Variants in WDR82 observed in about 807,000 individuals in gnomAD.
WDR82 encodes the protein WD repeat-containing protein 82.
WDR82 carries 8 observed loss-of-function variants against 36.1 expected under a neutral mutation model. That is an observed-to-expected ratio of 0.22 (90% CI 0.13 to 0.40). WDR82 has a LOEUF of 0.40. Among genes scored for constraint, WDR82 ranks in the 10% least tolerant of loss-of-function variants. The pLI is 1.00. For synonymous variants in WDR82, 129 were observed against 137.8 expected (o/e 0.94, Z 0.45); for missense variants, 185 against 400.5 (o/e 0.46, Z 4.59).
At chr3:52,260,698 A>C (rs184252942) in intron 4 of WDR82, among the ~76,000 whole-genome samples, 197 bp from the exon 5 acceptor site, 172 of 152,372 alleles carry the variant, frequency 1.1e-3, no homozygotes, top group Non-Finnish European at 2.1e-3. Context: ...CACAAAAAAA[A>C]CATAAAACTA....
intron 1 of WDR82, among the ~76,000 whole-genome samples, chr3:52,272,692 T>A (rs1397040323): frequency 6.6e-6 from 1 of 152,222 alleles, no homozygotes; most frequent in Non-Finnish European, 1.5e-5. Flanking sequence ...TTAGAAAGAT[T>A]TCATAAATCC....
At chr3:52,277,092 T>TAATA (rs1553619930) in intron 1 of WDR82, among the ~76,000 whole-genome samples, 1 of 146,626 alleles carries the variant, frequency 6.8e-6, no homozygotes, top group Admixed American at 6.8e-5. Flanking sequence ...ATAATAATAA[T>TAATA]AATAATAATA....
At chr3:52,261,760 A>G (rs575899280) in intron 3 of WDR82, among the ~76,000 whole-genome samples, 4 of 152,340 alleles carry the variant, frequency 2.6e-5, no homozygotes, top group African/African-American at 9.6e-5. Flanking sequence ...CATAGCTATA[A>G]TAAGAGAGAT....
At chr3:52,257,632 C>A in intron 8 of WDR82, 113 bp from the exon 9 acceptor site, 1 of 1,298,942 alleles carries the variant, frequency 7.7e-7, no homozygotes, top group Non-Finnish European at 1.1e-6. Flanking sequence ...GCTCTGGTAG[C>A]CCTCTCTCCT....
chr3:52,265,098 G>A (rs1300622186), intron 3 of WDR82, among the ~76,000 whole-genome samples: 1 of 151,658 alleles, frequency 6.6e-6, no homozygotes, highest in Non-Finnish European at 1.5e-5. Context: ...GGCGGATCAG[G>A]GACCATCCTG....
rs1700006436 is a variant in WDR82, at chr3:52,256,273, G to A, written c.*1217C>T. The A allele has an allele frequency of 1.3e-5, 2 of 153,790 alleles. No individual in the cohort carries two copies. Among genetic ancestry groups the A allele is most frequent in the Admixed American group, 6.5e-5 (1 of 15,292 alleles). The allele number at this position is 153,790 out of a possible 1,614,324, so 9.5% of individuals were successfully genotyped here. On this transcript the variant is annotated 3_prime_UTR_variant, in exon 9 of 9. Coordinates refer to ENST00000296490, the MANE Select transcript of WDR82 (RefSeq NM_025222.4). ...TGTGGCAAACACTATTAGCAGGGAT[G>A]CAGGGTGTCTCCTGGGCTGCAGGAC...
chr3:52,275,986 C>T (rs1252421447), intron 1 of WDR82, among the ~76,000 whole-genome samples: 1 of 152,180 alleles, frequency 6.6e-6, no homozygotes, highest in Non-Finnish European at 1.5e-5. Flanking sequence ...AAATATTTAC[C>T]TACAGTCATG....
chr3:52,260,024 C>G, intron 5 of WDR82, 152 bp from the exon 6 acceptor site: 1 of 1,109,566 alleles, frequency 9.0e-7, no homozygotes, highest in Non-Finnish European at 1.2e-6. Context: ...CCACATTTTT[C>G]CTTTTGTAGA....
At chr3:52,278,072 G>A (rs1700223850) in intron 1 of WDR82, 129 bp downstream of exon 1, 3 of 952,078 alleles carry the variant, frequency 3.2e-6, no homozygotes, top group Non-Finnish European at 4.3e-6. Context: ...GGGTGGAGGC[G>A]GCCCTGGCAG....
intron 1 of WDR82, 77 bp downstream of exon 1, chr3:52,278,124 G>A (rs1578013970): frequency 5.1e-6 from 7 of 1,386,024 alleles, no homozygotes; most frequent in Middle Eastern, 3.9e-4. Flanking sequence ...TCGGGACGGA[G>A]GGCAGGCCGA....
chr3:52,274,271 A>C (rs981390859), intron 1 of WDR82, among the ~76,000 whole-genome samples: 1 of 152,252 alleles, frequency 6.6e-6, no homozygotes, highest in Non-Finnish European at 1.5e-5. Context: ...CATCTAATAA[A>C]GATACTATGC....
Position 52,258,557 on chromosome 3 carries a change from A to G in WDR82, c.891T>C (p.Phe297=), listed in dbSNP as rs763392405. 21 of 1,613,870 alleles carry G rather than the reference A, an allele frequency of 1.3e-5. No individual in the cohort carries two copies. The highest frequency in any genetic ancestry group is 1.8e-5 in the Non-Finnish European group (21 of 1,179,934). ...CLQFNPKFMT[F]ASACSNMAFW... ...ATACCATGTTGGAACACGCACTGGC[A>G]AAAGTCATGAACTTGGGGTTGAATT... Residue 297 remains phenylalanine, a synonymous_variant, in exon 8 of 9, where the codon TTT becomes TTC. Coordinates refer to ENST00000296490, the MANE Select transcript of WDR82 (RefSeq NM_025222.4).
rs1700008443 is a variant in WDR82 at position 52,256,325 on chromosome 3, A to G, written c.*1165T>C. The G allele has an allele frequency of 6.5e-6, 1 of 153,832 alleles. No homozygotes were observed. Among genetic ancestry groups the G allele is most frequent in the Admixed American group, 6.5e-5 (1 of 15,292 alleles). The allele number at this position is 153,832 out of a possible 1,614,324, so 9.5% of individuals were successfully genotyped here. Reference sequence around the variant, plus strand: ...CCATCTGCTTCAGCTGAACTCTTGGAAACTACAGATGAGAGATATATGCAT... The same window carrying G: ...CCATCTGCTTCAGCTGAACTCTTGGGAACTACAGATGAGAGATATATGCAT... On this transcript the variant is annotated 3_prime_UTR_variant, in exon 9 of 9. Coordinates refer to ENST00000296490, the MANE Select transcript of WDR82 (RefSeq NM_025222.4).
intron 3 of WDR82, among the ~76,000 whole-genome samples, chr3:52,265,299 C>CAAAA (rs869189597): frequency 4.6e-5 from 2 of 43,782 alleles, no homozygotes; most frequent in Admixed American, 8.2e-4. Context: ...GACTCTGTCT[C>CAAAA]AAAAAAAAAA....
At chr3:52,276,755 T>C (rs900589241) in intron 1 of WDR82, among the ~76,000 whole-genome samples, 5 of 152,202 alleles carry the variant, frequency 3.3e-5, no homozygotes, top group Admixed American at 6.6e-5. Flanking sequence ...GAAATCCATC[T>C]ACTCAATGAG....
At chr3:52,273,018 C>T (rs1207159052) in intron 1 of WDR82, among the ~76,000 whole-genome samples, 1 of 152,228 alleles carries the variant, frequency 6.6e-6, no homozygotes, top group Non-Finnish European at 1.5e-5. Context: ...TGTGGGGTTA[C>T]TGTGTGGTAA....
At chr3:52,262,912 G>A (rs559588917) in intron 3 of WDR82, among the ~76,000 whole-genome samples, 3 of 152,174 alleles carry the variant, frequency 2.0e-5, no homozygotes, top group Non-Finnish European at 4.4e-5. Context: ...GCGATCACCT[G>A]AGGTCAGGAG....
chr3:52,278,587 G>C lies in WDR82; in HGVS notation c.-226C>G, dbSNP rs1700229438. On this transcript the variant is annotated 5_prime_UTR_variant, in exon 1 of 9. Transcript: ENST00000296490. ...CCGTTCGTCCTCACAGCCACCTCAC[G>C]GACAACCGGCGCGTCGCCGGCTCAT... is the stretch of plus-strand genomic sequence containing the variant. The C allele has an allele frequency of 2.4e-6, 1 of 409,224 alleles. No individual in the cohort carries two copies. 25.3% of individuals were successfully genotyped at this position (409,224 alleles called of 1,614,324 possible).
chr3:52,262,747 C>T (rs1700072335), intron 3 of WDR82, among the ~76,000 whole-genome samples: 4 of 152,228 alleles, frequency 2.6e-5, no homozygotes, highest in Admixed American at 2.6e-4. Context: ...TGTAACTCAA[C>T]TAACATCTGC....
Sources: gnomAD v4.1 joint callset for allele counts (sites outside exome capture counted in the v4.1 genomes callset) on GRCh38, gnomAD v4.1.1 for gene constraint, MANE v1.5 for transcripts, NCBI Gene and HGNC (gene_info 2026-07-23, HGNC 2026-07-21) for gene names.